CTBP2: variants seen among roughly 807,000 people sequenced by gnomAD.
CTBP2 encodes the protein C-terminal binding protein 2.
CTBP2 carries 30 observed loss-of-function variants against 80.3 expected under a neutral mutation model. That is an observed-to-expected ratio of 0.37 (90% CI 0.28 to 0.51). The LOEUF (loss-of-function observed/expected upper bound fraction) is 0.51. Ranked by LOEUF, CTBP2 falls within the 20% of genes least tolerant of loss-of-function variation. The probability of loss-of-function intolerance (pLI) is 0.93; values close to 1 mark genes in which losing one functional copy is unlikely to be tolerated. For synonymous variants in CTBP2, 594 were observed against 587.4 expected, an observed-to-expected ratio of 1.01 and a Z score of -0.16; for missense variants, 1,212 against 1,375.3, an observed-to-expected ratio of 0.88 and a Z score of 1.88.
chr10:125,132,722 C>A (rs969382766), intron 1 of CTBP2, among the ~76,000 whole-genome samples: 1 of 152,200 alleles, frequency 6.6e-6, no homozygotes, highest in Non-Finnish European at 1.5e-5. Flanking sequence ...AAAAACTCCA[C>A]TAAAATATGG....
chr10:125,121,604 A>T (rs1395244874), intron 1 of CTBP2, among the ~76,000 whole-genome samples: 1 of 152,254 alleles, frequency 6.6e-6, no homozygotes, highest in East Asian at 1.9e-4. Context: ...AAACTCTGCA[A>T]ACACAGCCAT....
In CTBP2 at chr10:125,101,038, G is replaced by T. The variant is rs192676124; in HGVS notation, c.-102+9952C>A. ...TACATCATTCTATCAATTAAATCTT[G>T]AGAAAAGATTACACGATCCAGGGAT... On this transcript the variant is annotated intron_variant, in intron 2 of 10. Transcript: ENST00000337195. Among the ~76,000 whole-genome samples, 17 of 152,278 alleles carry T rather than the reference G, an allele frequency of 1.1e-4. No individual in the cohort carries two copies. The East Asian group carries it at 3.3e-3, about 29-fold the overall frequency.
At chr10:125,003,532 TGGGGCCACAGGGTGCGTGGA>T in intron 1 of CTBP2, 40 bp from the exon 4 acceptor site, 1 of 1,495,534 alleles carries the variant, frequency 6.7e-7, no homozygotes, top group African/African-American at 1.4e-5. Flanking sequence ...GGTGGGTGGC[TGGGGCCACAGGGTGCGTGGA>T]GGGGCAGCTC....
chr10:125,050,113 A>G (rs1311185249), intron 2 of CTBP2, among the ~76,000 whole-genome samples: 2 of 152,156 alleles, frequency 1.3e-5, no homozygotes, highest in South Asian at 2.1e-4. Context: ...AGACCTCAGG[A>G]GTGGAGGATT....
chr10:125,157,373 G>A (rs372274777), intron 1 of CTBP2, among the ~76,000 whole-genome samples: 45 of 132,668 alleles, frequency 3.4e-4, no homozygotes, highest in African/African-American at 1.1e-3. Flanking sequence ...CAATTAGAGA[G>A]GGGGTTGTCA....
chr10:125,089,788 C>T (rs1452788184), intron 2 of CTBP2, among the ~76,000 whole-genome samples: 1 of 152,186 alleles, frequency 6.6e-6, no homozygotes, highest in African/African-American at 2.4e-5. Context: ...CCATAGCATA[C>T]ACTACTAGTA....
Position 125,153,688 on chromosome 10 carries a change from G to C in CTBP2, c.-206+6631C>G, listed in dbSNP as rs144478018. ...TACACCATAAAATGATTCTTTGCTA[G>C]CCTCATTTTATAGATGAGATTTTTA... On this transcript the variant is annotated intron_variant, in intron 1 of 10. Coordinates refer to the CTBP2 transcript ENST00000337195. Among the ~76,000 whole-genome samples, 8 of 152,314 alleles carry C rather than the reference G, an allele frequency of 5.3e-5. 1 individual carries two copies. Among genetic ancestry groups the C allele is most frequent in the Middle Eastern group, 3.4e-3 (1 of 292 alleles).
At chr10:125,126,926 C>CAT (rs1480656465) in intron 1 of CTBP2, among the ~76,000 whole-genome samples, 95 of 141,960 alleles carry the variant, frequency 6.7e-4, no homozygotes, top group African/African-American at 1.5e-3. Flanking sequence ...CACACACATT[C>CAT]TCTCTCTCTC....
At chr10:125,137,020 C>T (rs558683828) in intron 1 of CTBP2, among the ~76,000 whole-genome samples, 6 of 152,320 alleles carry the variant, frequency 3.9e-5, no homozygotes, top group East Asian at 1.9e-4. Context: ...CTGACATCAC[C>T]GCCGAAAACG....
At chr10:125,070,488 TAC>T (rs887694834) in intron 2 of CTBP2, among the ~76,000 whole-genome samples, 16 of 151,796 alleles carry the variant, frequency 1.1e-4, no homozygotes, top group African/African-American at 2.9e-4. Context: ...GTCCAGAAAC[TAC>T]AGACTTCAGC....
At chr10:125,155,705 A>G (rs1222340996) in intron 1 of CTBP2, among the ~76,000 whole-genome samples, 4 of 152,086 alleles carry the variant, frequency 2.6e-5, no homozygotes, top group South Asian at 2.1e-4. Context: ...AAACTCTTTC[A>G]TAAGTCTTTG....
chr10:125,082,381 G>A (rs1359050424), intron 2 of CTBP2, among the ~76,000 whole-genome samples: 1 of 152,172 alleles, frequency 6.6e-6, no homozygotes, highest in Non-Finnish European at 1.5e-5. Context: ...CTCTGGAGAA[G>A]ACAAAAAACT....
At chr10:125,039,797 A>G (rs2134993080) in intron 2 of CTBP2, among the ~76,000 whole-genome samples, 1 of 152,356 alleles carries the variant, frequency 6.6e-6, no homozygotes. Flanking sequence ...AGCACCAGCA[A>G]GGGCAGGGTC....
chr10:125,051,430 A>G (rs1372841457), intron 2 of CTBP2, among the ~76,000 whole-genome samples: 1 of 152,232 alleles, frequency 6.6e-6, no homozygotes, highest in Non-Finnish European at 1.5e-5. Flanking sequence ...ACTTGAGGTC[A>G]GGAGTTTGAG....
At chr10:125,154,606 C>A (rs1446370811) in intron 1 of CTBP2, among the ~76,000 whole-genome samples, 1 of 152,326 alleles carries the variant, frequency 6.6e-6, no homozygotes, top group Non-Finnish European at 1.5e-5. Context: ...AGGGACTAGG[C>A]ATATACACAT....
chr10:125,010,713 C>T (rs1955782246), intron 1 of CTBP2, among the ~76,000 whole-genome samples: 1 of 152,108 alleles, frequency 6.6e-6, no homozygotes, highest in African/African-American at 2.4e-5. Flanking sequence ...GAACCAGGCA[C>T]TGGAAGACAG....
intron 2 of CTBP2, among the ~76,000 whole-genome samples, chr10:125,073,246 C>CT (rs200706337): frequency 0.014 from 2,088 of 152,194 alleles, 46 homozygotes; most frequent in African/African-American, 0.045. Flanking sequence ...CTGCATCTCT[C>CT]TTTTTTTTGA....
At chr10:125,135,421 G>A (rs555489136) in intron 1 of CTBP2, among the ~76,000 whole-genome samples, 18 of 152,174 alleles carry the variant, frequency 1.2e-4, no homozygotes, top group Non-Finnish European at 2.2e-4. Flanking sequence ...ATATATGACC[G>A]TCCCCATCCC....
intron 1 of CTBP2, among the ~76,000 whole-genome samples, chr10:125,145,819 C>T (rs957599552): frequency 5.9e-5 from 9 of 152,188 alleles, no homozygotes; most frequent in Non-Finnish European, 8.8e-5. Context: ...GACATTCTGG[C>T]CCCAGACCCC....
Sources: gnomAD v4.1 joint callset for allele counts (sites outside exome capture counted in the v4.1 genomes callset) on GRCh38, gnomAD v4.1.1 for gene constraint, MANE v1.5 for transcripts, NCBI Gene and HGNC (gene_info 2026-07-23, HGNC 2026-07-21) for gene names.